ERMP1: variants seen among roughly 807,000 people sequenced by gnomAD.
ERMP1 encodes Felix-ina.
ERMP1 carries 86 observed loss-of-function variants against 92.0 expected under a neutral mutation model. That is an observed-to-expected ratio of 0.93 (90% CI 0.79 to 1.12). The LOEUF is 1.12. Ranked by LOEUF, ERMP1 falls within the 50% of genes most tolerant of loss-of-function variation. The pLI is 0.00. For synonymous variants in ERMP1, 530 were observed against 412.8 expected (o/e 1.28, Z -3.44); for missense variants, 1,342 against 1,116.3 (o/e 1.20, Z -2.88).
At chr9:5,857,652 A>G (rs758523446) in intron 6 of ERMP1, among the ~76,000 whole-genome samples, 2 of 152,210 alleles carry the variant, frequency 1.3e-5, no homozygotes, top group Non-Finnish European at 2.9e-5. Context: ...ATAAAGGTCA[A>G]CTTCCTGAGT....
rs181562406 is a variant in ERMP1, at chr9:5,856,299, T to G, written n.3199+3169A>C. 6 of 252,040 alleles carry G rather than the reference T, an allele frequency of 2.4e-5. No homozygotes were observed. The East Asian group carries it at 7.9e-4, about 33-fold the overall frequency. 15.6% of individuals were successfully genotyped at this position (252,040 alleles called of 1,614,324 possible). On this transcript the variant is annotated intron_variant and non_coding_transcript_variant, in intron 6 of 6. Transcript: ENST00000690753. ...GTTCTCTGTTTATTGTTTTGCCATGTCAGTAACTTCGGTGTTGGCCTTGGT... is the reference window on the plus strand; with the variant it reads ...GTTCTCTGTTTATTGTTTTGCCATGGCAGTAACTTCGGTGTTGGCCTTGGT...
At chr9:5,799,150 T>C in intron 11 of ERMP1, 142 bp from the exon 12 acceptor site, 1 of 608,556 alleles carries the variant, frequency 1.6e-6, no homozygotes, top group Non-Finnish European at 2.9e-6. Context: ...GTTTCTAAGG[T>C]ACTGCTAGCG....
chr9:5,812,001 C>A (rs960244900), intron 6 of ERMP1, 124 bp downstream of exon 6: 17 of 627,388 alleles, frequency 2.7e-5, no homozygotes, highest in African/African-American at 2.4e-4. Context: ...AACTCCAAAG[C>A]CCTAGCTCAT....
At position 5,825,188 on chromosome 9, in the gene ERMP1, CA is replaced by C; in HGVS notation, c.671del (p.Val224GlyfsTer47). Reference sequence around the variant, plus strand: ...ACAAGACGCGAAGGACTTCCAGCATCACTGAGCAGCTAACTGCATCATCACT... The same window carrying C: ...ACAAGACGCGAAGGACTTCCAGCATCCTGAGCAGCTAACTGCATCATCACT... ...GASDDAVSCS[V>X]MLEVLRVLST... On this transcript the variant is annotated frameshift_variant, in exon 3 of 15. Transcript: ENST00000339450. LOFTEE classifies it high-confidence loss of function. 1 of 1,613,908 alleles carries C rather than the reference CA, an allele frequency of 6.2e-7. No individual in the cohort carries two copies. Among genetic ancestry groups the C allele is most frequent in the African/African-American group, 1.3e-5 (1 of 75,044 alleles).
At chr9:5,833,211 A>G, upstream of ERMP1, 1 of 558,672 alleles carries the variant, frequency 1.8e-6, no homozygotes, top group Non-Finnish European at 3.0e-6. Context: ...TCTCGGGTGC[A>G]CACAGCTGCA....
At chr9:5,834,939 G>A (rs893984460), upstream of ERMP1, among the ~76,000 whole-genome samples, 2 of 136,994 alleles carry the variant, frequency 1.5e-5, no homozygotes, top group Non-Finnish European at 3.1e-5. Flanking sequence ...GCTTCAGTGA[G>A]GATTAGATAG....
rs148237651 is a variant in ERMP1 at position 5,787,439 on chromosome 9, T to C, written c.2541A>G (p.Ile847Met). The C allele has an allele frequency of 2.2e-4, 356 of 1,612,368 alleles. No individual in the cohort carries two copies. The highest frequency in any genetic ancestry group is 3.0e-4 in the Non-Finnish European group (349 of 1,179,552). Residue 847 changes from isoleucine to methionine, a missense_variant, in exon 14 of 15, where the codon ATA becomes ATG. Ile to Met is a conservative substitution (Grantham distance 10, BLOSUM62 1). Transcript: ENST00000339450. ...GCTGGGAAATTGGCACCTGCACTTCTATCCAGAACTGCCATGCAGAGGCCT... is the reference window on the plus strand; with the variant it reads ...GCTGGGAAATTGGCACCTGCACTTCCATCCAGAACTGCCATGCAGAGGCCT... Reference protein sequence around the residue: ...GLQASAWQFWIEVQVSEEHPE... With the variant: ...GLQASAWQFWMEVQVSEEHPE...
Position 5,787,419 on chromosome 9 carries a change from G to A in ERMP1, c.2550+11C>T. On this transcript the variant is annotated intron_variant, in intron 14 of 14. Coordinates refer to ENST00000339450, the MANE Select transcript of ERMP1 (RefSeq NM_024896.3). The stretch of plus-strand genomic sequence containing the variant: ...TAATCAATGAAACAAACAATGCTGG[G>A]AAATTGGCACCTGCACTTCTATCCA... 1 of 1,610,978 alleles carries A rather than the reference G, an allele frequency of 6.2e-7. No individual in the cohort carries two copies. Among genetic ancestry groups the A allele is most frequent in the Non-Finnish European group, 8.5e-7 (1 of 1,178,922 alleles).
At chr9:5,825,332 A>G in intron 2 of ERMP1, 113 bp from the exon 3 acceptor site, 1 of 1,000,228 alleles carries the variant, frequency 1.0e-6, no homozygotes, top group Non-Finnish European at 1.4e-6. Context: ...TAGCTGCATG[A>G]CCAGAAGCAT....
chr9:5,851,659 A>G (rs1186058047), intron 6 of ERMP1, among the ~76,000 whole-genome samples: 1 of 152,230 alleles, frequency 6.6e-6, no homozygotes, highest in Non-Finnish European at 1.5e-5. Context: ...GTTCTTACTC[A>G]GAATCAGTCT....
At chr9:5,864,192 G>C (rs2129789250) in intron 5 of ERMP1, among the ~76,000 whole-genome samples, 1 of 152,276 alleles carries the variant, frequency 6.6e-6, no homozygotes, top group Non-Finnish European at 1.5e-5. Flanking sequence ...CAATGAAGTT[G>C]AACATTTTCC....
chr9:5,796,829 C>T (rs1448565332), intron 13 of ERMP1, among the ~76,000 whole-genome samples: 2 of 151,862 alleles, frequency 1.3e-5, no homozygotes, highest in African/African-American at 4.8e-5. Flanking sequence ...TTTTCAATAC[C>T]CATAGAACTA....
chr9:5,855,652 T>C (rs1335643039), intron 6 of ERMP1: 1 of 152,632 alleles, frequency 6.6e-6, no homozygotes, highest in Non-Finnish European at 1.5e-5. Flanking sequence ...ATGAGCTCTT[T>C]CTGCTCATTA....
chr9:5,811,005 C>G (rs1829069123), intron 7 of ERMP1, 106 bp downstream of exon 7: 1 of 683,268 alleles, frequency 1.5e-6, no homozygotes, highest in African/African-American at 1.8e-5. Flanking sequence ...CAAACATTGT[C>G]TTAAGATTTT....
chr9:5,847,103 C>T (rs535332973), intron 6 of ERMP1, among the ~76,000 whole-genome samples: 20 of 152,282 alleles, frequency 1.3e-4, no homozygotes, highest in South Asian at 4.2e-4. Context: ...AGGGAAGAGA[C>T]GCCAGTAAAT....
intron 2 of ERMP1, among the ~76,000 whole-genome samples, chr9:5,827,582 C>G (rs532845361): frequency 6.6e-6 from 1 of 152,268 alleles, no homozygotes; most frequent in African/African-American, 2.4e-5. Context: ...GGTTCTAGGG[C>G]CAGGCGCAGT....
chr9:5,861,248 A>G (rs932044834), intron 5 of ERMP1, among the ~76,000 whole-genome samples: 11 of 104,954 alleles, frequency 1.0e-4, no homozygotes, highest in Non-Finnish European at 2.8e-4. Flanking sequence ...AAAGTACTGG[A>G]GAGGGAAAAA....
chr9:5,793,904 A>G (rs1428288126), intron 13 of ERMP1, among the ~76,000 whole-genome samples: 3 of 152,112 alleles, frequency 2.0e-5, no homozygotes, highest in Admixed American at 1.3e-4. Context: ...GTAAAAATAT[A>G]ATTGAACTGA....
At chr9:5,788,204 C>T (rs897903168) in intron 13 of ERMP1, among the ~76,000 whole-genome samples, 1 of 152,158 alleles carries the variant, frequency 6.6e-6, no homozygotes, top group African/African-American at 2.4e-5. Context: ...TTGAAATAAC[C>T]GTAAATTTTT....
Sources: allele counts gnomAD v4.1 joint callset (sites outside exome capture counted in the v4.1 genomes callset), GRCh38; gene constraint gnomAD v4.1.1; transcripts MANE v1.5; gene names NCBI Gene and HGNC (gene_info 2026-07-23, HGNC 2026-07-21).